INO80: variants seen among roughly 807,000 people sequenced by gnomAD.
INO80 encodes chromatin-remodeling ATPase INO80.
In INO80, 20 loss-of-function variants were observed where a neutral mutation model predicts 203.4. That is an observed-to-expected ratio of 0.10 (90% CI 0.07 to 0.14). The LOEUF (loss-of-function observed/expected upper bound fraction) is 0.14, where lower values mean the gene tolerates loss of function less well. INO80 is among the 10% of genes least tolerant of loss of function. The pLI is 1.00. For synonymous variants in INO80, 726 were observed against 685.2 expected (o/e 1.06, Z -0.93); for missense variants, 1,419 against 1,914.4 (o/e 0.74, Z 4.83).
intron 24 of INO80, among the ~76,000 whole-genome samples, chr15:41,039,431 T>C (rs2044635051): frequency 6.6e-6 from 1 of 152,264 alleles, no homozygotes; most frequent in South Asian, 2.1e-4. Context: ...TTTTTAAGCA[T>C]GAGTGTATAT....
At position 40,985,371 on chromosome 15, in the gene INO80, C is replaced by T. The variant is rs2043715654; in HGVS notation, c.3888G>A (p.Glu1296=). Reference sequence around the variant, plus strand: ...CATACTTTTCCCGCTTCCGCTTGCGCTCTTTCACTCGGTTGGTTTCCTCCT... The same window carrying T: ...CATACTTTTCCCGCTTCCGCTTGCGTTCTTTCACTCGGTTGGTTTCCTCCT... ...RQQEETNRVK[E]RKRKREKYAE... Residue 1296 remains glutamate, a synonymous_variant, in exon 32 of 36, where the codon GAG becomes GAA. Coordinates refer to ENST00000648947, the MANE Select transcript of INO80 (RefSeq NM_017553.3). 1 of 1,614,116 alleles carries T rather than the reference C, an allele frequency of 6.2e-7. No homozygotes were observed. The highest frequency in any genetic ancestry group is 8.5e-7 in the Non-Finnish European group (1 of 1,179,998).
intron 24 of INO80, among the ~76,000 whole-genome samples, chr15:41,042,315 A>G: frequency 6.6e-6 from 1 of 151,564 alleles, no homozygotes; most frequent in Non-Finnish European, 1.5e-5. Flanking sequence ...CGCCCCACCT[A>G]ATTTTTAAAA....
intron 7 of INO80, among the ~76,000 whole-genome samples, chr15:41,082,699 C>T (rs888079477): frequency 2.0e-5 from 3 of 151,670 alleles, no homozygotes; most frequent in South Asian, 2.1e-4. Flanking sequence ...AGCGAAACTC[C>T]GTCTCAAAAA....
intron 5 of INO80, among the ~76,000 whole-genome samples, chr15:41,091,087 G>A (rs762667499): frequency 2.0e-5 from 3 of 152,026 alleles, no homozygotes; most frequent in Non-Finnish European, 4.4e-5. Flanking sequence ...ACCACGCCCA[G>A]CTAATTTTGT....
intron 10 of INO80, 78 bp downstream of exon 10, chr15:41,074,292 C>A: frequency 9.8e-7 from 1 of 1,024,986 alleles, no homozygotes; most frequent in Non-Finnish European, 1.4e-6. Context: ...ATAAAAAATT[C>A]GCAAAAATTA....
At chr15:41,069,052 G>A (rs796601203) in intron 14 of INO80, among the ~76,000 whole-genome samples, 14 of 152,244 alleles carry the variant, frequency 9.2e-5, no homozygotes, top group African/African-American at 3.4e-4. Context: ...CATTTATCAG[G>A]CTAAATGCAA....
chr15:41,101,635 C>T (rs1462096007), intron 1 of INO80, among the ~76,000 whole-genome samples: 3 of 151,574 alleles, frequency 2.0e-5, no homozygotes, highest in Non-Finnish European at 4.4e-5. Context: ...CTGCAAGCTC[C>T]GCCTCCCAGG....
intron 1 of INO80, among the ~76,000 whole-genome samples, chr15:41,101,406 C>T (rs766437128): frequency 9.9e-5 from 15 of 152,170 alleles, no homozygotes; most frequent in Non-Finnish European, 2.2e-4. Flanking sequence ...CCCTCTTCCT[C>T]AAAATGCTGA....
At chr15:41,115,255 T>C (rs761313521) in intron 1 of INO80, among the ~76,000 whole-genome samples, 32 of 152,222 alleles carry the variant, frequency 2.1e-4, no homozygotes, top group Non-Finnish European at 4.3e-4. Flanking sequence ...GAATAGTAAG[T>C]GGCTGCCTAG....
At chr15:40,988,605 T>A (rs890292472) in intron 29 of INO80, among the ~76,000 whole-genome samples, 1 of 151,740 alleles carries the variant, frequency 6.6e-6, no homozygotes, top group Non-Finnish European at 1.5e-5. Flanking sequence ...ACAGGTCAGC[T>A]GTGGTGGCTC....
At chr15:41,039,842 C>G (rs1431297081) in intron 24 of INO80, among the ~76,000 whole-genome samples, 1 of 152,216 alleles carries the variant, frequency 6.6e-6, no homozygotes, top group Non-Finnish European at 1.5e-5. Flanking sequence ...CTCAAATAAA[C>G]TGCTCACATC....
chr15:41,028,299 C>G (rs866636332), intron 24 of INO80, among the ~76,000 whole-genome samples: 29 of 152,246 alleles, frequency 1.9e-4, no homozygotes, highest in African/African-American at 6.5e-4. Flanking sequence ...CCACACCTGG[C>G]AAATTGTTGC....
At chr15:41,077,100 G>A (rs556023848) in intron 9 of INO80, among the ~76,000 whole-genome samples, 2 of 151,984 alleles carry the variant, frequency 1.3e-5, no homozygotes, top group African/African-American at 4.8e-5. Flanking sequence ...GTAAAGACGG[G>A]GTTTCACCGT....
At chr15:40,986,269 C>T (rs994223052) in intron 31 of INO80, among the ~76,000 whole-genome samples, 10 of 146,842 alleles carry the variant, frequency 6.8e-5, no homozygotes, top group South Asian at 6.7e-4. Context: ...TTTGAAGCCA[C>T]ATTTACCTTT....
Position 41,005,629 on chromosome 15 carries a change from G to C in INO80, c.3461C>G (p.Ser1154Trp), listed in dbSNP as rs2044029883. Residue 1154 changes from serine to tryptophan, a missense_variant, in exon 28 of 36, where the codon TCG (serine) becomes TGG (tryptophan). Around this residue, in one of 9 missense-constraint regions of INO80, gnomAD observed 65 missense variants for 186.7 expected, o/e 0.35. Transcript: ENST00000648947. ...ATCAGCAACCATGTCTCGCCTCTCC[G>C]AGATCTTGGATGAGCCATCAAGCCT... ...YMRLDGSSKISERRDMVADFQ... is the reference protein window; with the variant it reads ...YMRLDGSSKIWERRDMVADFQ... 3.1e-6 allele frequency: 5 copies of C among 1,608,298 alleles called. No homozygotes were observed. Among genetic ancestry groups the C allele is most frequent in the Non-Finnish European group, 4.3e-6 (5 of 1,175,722 alleles).
chr15:41,068,895 A>C (rs1015029781), intron 14 of INO80, among the ~76,000 whole-genome samples: 1 of 152,216 alleles, frequency 6.6e-6, no homozygotes, highest in African/African-American at 2.4e-5. Context: ...TATTAAAAAA[A>C]AGAAATGAAT....
chr15:41,099,682 TGAG>T (rs1250762251), intron 1 of INO80, among the ~76,000 whole-genome samples: 1 of 151,356 alleles, frequency 6.6e-6, no homozygotes, highest in Non-Finnish European at 1.5e-5. Flanking sequence ...CTTGGGAGGC[TGAG>T]GAGGGAGGAT....
intron 10 of INO80, 78 bp from the exon 11 acceptor site, chr15:41,073,573 G>T: frequency 9.0e-7 from 1 of 1,116,366 alleles, no homozygotes; most frequent in Non-Finnish European, 1.4e-6. Flanking sequence ...CAATGTATGT[G>T]GATCCCTGAT....
chr15:40,986,469 TGCCCACCACCAC>T (rs2043735062), intron 31 of INO80, among the ~76,000 whole-genome samples: 1 of 151,682 alleles, frequency 6.6e-6, no homozygotes, highest in African/African-American at 2.4e-5. Context: ...GGATTACACG[TGCCCACCACCAC>T]GCCCGACTAA....
Sources: gnomAD v4.1 joint callset for allele counts (sites outside exome capture counted in the v4.1 genomes callset) on GRCh38, gnomAD v4.1.1 for gene constraint, gnomAD v4.1.1 regional missense constraint, MANE v1.5 for transcripts, NCBI Gene and HGNC (gene_info 2026-07-23, HGNC 2026-07-21) for gene names.